The following CACNA1A variants were observed in gnomAD, a reference collection of about 807,000 sequenced individuals.
CACNA1A encodes the protein voltage-dependent P/Q-type calcium channel subunit alpha-1A.
A neutral mutation model predicts 262.4 loss-of-function variants in CACNA1A; 57 were observed. The ratio of observed to expected loss-of-function variants is 0.22; its 90% CI spans 0.18 to 0.27. CACNA1A has a LOEUF of 0.27. Ranked by LOEUF, CACNA1A falls within the 10% of genes least tolerant of loss-of-function variation. The probability of loss-of-function intolerance (pLI) is 1.00; values close to 1 mark genes in which losing one functional copy is unlikely to be tolerated. For missense variants in CACNA1A, 2,526 were observed against 3,562.8 expected (o/e 0.71, Z 7.41); for synonymous variants, 1,431 against 1,419.3 (o/e 1.01, Z -0.18).
chr19:13,438,676 C>T, intron 3 of CACNA1A, among the ~76,000 whole-genome samples: 1 of 152,174 alleles, frequency 6.6e-6, no homozygotes, highest in East Asian at 1.9e-4. Context: ...CAACTGGGCC[C>T]AGCCTAAACT....
intron 3 of CACNA1A, chr19:13,450,527 T>C (rs1271377829): frequency 1.3e-5 from 2 of 152,264 alleles, no homozygotes; most frequent in Admixed American, 1.3e-4. Flanking sequence ...ATTCATCAAT[T>C]GTGTCCATCT....
Position 13,207,131 on chromosome 19 carries a change from G to T in CACNA1A, c.*182C>A. On this transcript the variant is annotated 3_prime_UTR_variant, in exon 47 of 47. Coordinates refer to ENST00000360228, the MANE Select transcript of CACNA1A (RefSeq NM_001127222.2). This position sits in a 1 kb window ranked among gnomAD's most constrained non-coding sequence, Gnocchi z 5.7. The stretch of plus-strand genomic sequence containing the variant: ...GTGGCTGCCCAGGAGGGTCTCTTTT[G>T]GCCGAGGGTCTCTGCGGGACACCCT... The T allele has an allele frequency of 1.7e-6, 1 of 602,148 alleles. No individual in the cohort carries two copies. Among genetic ancestry groups the T allele is most frequent in the Non-Finnish European group, 2.6e-6 (1 of 386,564 alleles). The allele number at this position is 602,148 out of a possible 1,614,324, so 37.3% of individuals were successfully genotyped here.
intron 30 of CACNA1A, among the ~76,000 whole-genome samples, chr19:13,247,997 G>A (rs1421295981): frequency 6.6e-6 from 1 of 152,080 alleles, no homozygotes; most frequent in Non-Finnish European, 1.5e-5. Context: ...GTTGCCTCCT[G>A]GAGGTATCCA....
intron 1 of CACNA1A, among the ~76,000 whole-genome samples, chr19:13,490,516 T>C (rs1980634016): frequency 6.6e-6 from 1 of 151,760 alleles, no homozygotes. Flanking sequence ...GGCAGGAAAA[T>C]TGCTTGAACC....
chr19:13,309,285 G>A (rs1316120359), intron 12 of CACNA1A, among the ~76,000 whole-genome samples: 8 of 152,134 alleles, frequency 5.3e-5, no homozygotes, highest in Admixed American at 5.2e-4. Context: ...TGGGATTACA[G>A]GCGTGAGCCA....
intron 1 of CACNA1A, among the ~76,000 whole-genome samples, chr19:13,493,795 T>C (rs1981179293): frequency 1.3e-5 from 2 of 152,172 alleles, no homozygotes. Context: ...CAGCCAGAGA[T>C]TGTTACATGA....
chr19:13,278,161 G>C (rs2057195503), intron 22 of CACNA1A, among the ~76,000 whole-genome samples: 1 of 150,756 alleles, frequency 6.6e-6, no homozygotes, highest in Non-Finnish European at 1.5e-5. Context: ...ACCAGAGGGC[G>C]CTGTGAACAC....
intron 19 of CACNA1A, among the ~76,000 whole-genome samples, chr19:13,287,742 T>C (rs2057437553): frequency 6.6e-6 from 1 of 151,622 alleles, no homozygotes; most frequent in South Asian, 2.1e-4. Context: ...CCTCAAGTGA[T>C]CCACCCACCT....
intron 3 of CACNA1A, among the ~76,000 whole-genome samples, chr19:13,407,769 T>C (rs571311962): frequency 6.6e-6 from 1 of 152,310 alleles, no homozygotes; most frequent in Non-Finnish European, 1.5e-5. Flanking sequence ...GGCAGGCAGA[T>C]TGCTTGAGCT....
chr19:13,285,336 T>A, intron 20 of CACNA1A, 130 bp from the exon 21 acceptor site: 1 of 870,168 alleles, frequency 1.1e-6, no homozygotes, highest in Non-Finnish European at 1.8e-6. Flanking sequence ...ATACCAGGCA[T>A]CTTATGACAT....
intron 3 of CACNA1A, among the ~76,000 whole-genome samples, chr19:13,417,208 C>T (rs896926103): frequency 6.6e-6 from 1 of 152,168 alleles, no homozygotes; most frequent in African/African-American, 2.4e-5. Context: ...AGCCAGCTGC[C>T]AATCTGTCAG....
chr19:13,403,856 G>A (rs1418175105), intron 3 of CACNA1A, among the ~76,000 whole-genome samples: 1 of 152,112 alleles, frequency 6.6e-6, no homozygotes, highest in Non-Finnish European at 1.5e-5. Context: ...TACTTGAGAG[G>A]CTGAGGTGGG....
In CACNA1A at chr19:13,241,549, AGGGGGAGCGGGCGGGC is replaced by A; in HGVS notation, c.4950+3617_4950+3632del. ...ATTCTAGATGCAGATGTTGAAGATG[AGGGGGAGCGGGCGGGC>A]GGGGGCAGTTGGGGAGGCGTGTTCA... On this transcript the variant is annotated intron_variant, in intron 31 of 46. Transcript: ENST00000360228. This position sits in a 1 kb window ranked among gnomAD's most constrained non-coding sequence, Gnocchi z 4.0. 1 of 282,500 alleles carries A rather than the reference AGGGGGAGCGGGCGGGC, an allele frequency of 3.5e-6. No homozygotes were observed. The highest frequency in any genetic ancestry group is 6.3e-6 in the Non-Finnish European group (1 of 159,508). 17.5% of individuals were successfully genotyped at this position (282,500 alleles called of 1,614,324 possible).
At chr19:13,227,579 G>A (rs553748776) in intron 36 of CACNA1A, 52 bp from the exon 37 acceptor site, 10 of 1,049,312 alleles carry the variant, frequency 9.5e-6, no homozygotes, top group Middle Eastern at 2.3e-4. Flanking sequence ...AAAACAAAAC[G>A]GGAATGGGAA....
chr19:13,486,977 A>G (rs1232222271), intron 1 of CACNA1A, among the ~76,000 whole-genome samples: 1 of 152,132 alleles, frequency 6.6e-6, no homozygotes, highest in African/African-American at 2.4e-5. Context: ...TGCTGGACAC[A>G]GTGCTAAAAA....
At chr19:13,334,089 C>T (rs985583313) in intron 8 of CACNA1A, 14 of 331,006 alleles carry the variant, frequency 4.2e-5, no homozygotes, top group South Asian at 6.0e-5. Context: ...GCTGAGGAAA[C>T]GGAGGTACAG....
intron 3 of CACNA1A, among the ~76,000 whole-genome samples, chr19:13,414,330 C>G (rs776124118): frequency 6.6e-6 from 1 of 151,964 alleles, no homozygotes; most frequent in Non-Finnish European, 1.5e-5. Flanking sequence ...CCCAAGAAGT[C>G]GAGGCTGCAG....
intron 31 of CACNA1A, 71 bp downstream of exon 31, chr19:13,245,111 G>C: frequency 2.5e-6 from 3 of 1,207,918 alleles, no homozygotes; most frequent in Non-Finnish European, 3.7e-6. Flanking sequence ...CTCTGGGACC[G>C]CTCCCCCGCC....
intron 24 of CACNA1A, chr19:13,273,277 A>C (rs2057068806): frequency 6.6e-6 from 1 of 152,166 alleles, no homozygotes; most frequent in African/African-American, 2.4e-5. Context: ...ATTATAATAC[A>C]TTCTTATATA....
Sources: gnomAD v4.1 joint callset for allele counts (sites outside exome capture counted in the v4.1 genomes callset) on GRCh38, gnomAD v4.1.1 for gene constraint, Gnocchi (gnomAD v3.1) non-coding constraint, MANE v1.5 for transcripts, NCBI Gene and HGNC (gene_info 2026-07-23, HGNC 2026-07-21) for gene names.